The following NXF3 variants were observed in gnomAD, a reference collection of about 807,000 sequenced individuals.
The protein encoded by NXF3 is TAP-like protein 3.
A neutral mutation model predicts 48.4 loss-of-function variants in NXF3; 34 were observed. That is an observed-to-expected ratio of 0.70 (90% CI 0.53 to 0.93). NXF3 has a LOEUF of 0.93. Among genes scored for constraint, NXF3 ranks in the 40% least tolerant of loss-of-function variants. The pLI is 0.00. For missense variants in NXF3, 359 were observed against 406.1 expected, an observed-to-expected ratio of 0.88 and a Z score of 1.00; for synonymous variants, 132 against 145.7, an observed-to-expected ratio of 0.91 and a Z score of 0.68.
chrX:103,092,779 A>C (rs985041371), intron 1 of NXF3, among the ~76,000 whole-genome samples: 1 of 112,472 alleles, frequency 8.9e-6, no homozygotes, highest in African/African-American at 3.2e-5. Context: ...AAGGAATGTT[A>C]ATTTTTACCA....
At chrX:103,080,248 A>C (rs748808952) in intron 10 of NXF3, 32 bp from the exon 11 acceptor site, 1 of 1,171,001 alleles carries the variant, frequency 8.5e-7, no homozygotes, top group Non-Finnish European at 1.2e-6. Flanking sequence ...CAGTAGTGCA[A>C]AGTAGGGAGG....
Position 103,083,626 on chromosome X carries a change from G to A in NXF3, c.418C>T (p.Pro140Ser). The A allele has an allele frequency of 1.7e-6, 2 of 1,208,678 alleles. No homozygotes were observed. The highest frequency in any genetic ancestry group is 3.0e-5 in the East Asian group (1 of 33,812). Residue 140 changes from proline to serine, a missense_variant, in exon 4 of 20, where the codon CCC becomes TCC. Pro to Ser is a moderately conservative substitution (Grantham distance 74). Coordinates refer to ENST00000395065, the MANE Select transcript of NXF3 (RefSeq NM_022052.2). ...TTTCTTACCTCAACTGGGACGAAGG[G>A]TACACTGCATTCATTCTGAATCAAA... ...LNLIQNECSV[P>S]FVPVEFHYEN... is the part of the protein sequence containing the mutation.
At chrX:103,080,338 A>G (rs1602887077) in intron 10 of NXF3, 122 bp from the exon 11 acceptor site, 2 of 751,472 alleles carry the variant, frequency 2.7e-6, no homozygotes, top group South Asian at 5.0e-5. Flanking sequence ...TCTGGAAATT[A>G]CGTGGGCAAG....
At chrX:103,077,531 C>G in intron 18 of NXF3, 83 bp downstream of exon 18, 1 of 1,100,031 alleles carries the variant, frequency 9.1e-7, no homozygotes. Context: ...GGATTACAGG[C>G]GTGAGCCACC....
intron 10 of NXF3, 127 bp from the exon 11 acceptor site, chrX:103,080,343 G>C (rs768383451): frequency 1.1e-5 from 8 of 724,348 alleles, no homozygotes; most frequent in Non-Finnish European, 1.7e-5. Flanking sequence ...AAATTACGTG[G>C]GCAAGACTAC....
chrX:103,076,652 G>A (rs995703470), intron 18 of NXF3, among the ~76,000 whole-genome samples: 1 of 110,677 alleles, frequency 9.0e-6, no homozygotes, highest in Admixed American at 9.7e-5. Flanking sequence ...GAAATTCCTC[G>A]TGAGCTGCAA....
In NXF3 at chrX:103,082,765, G is replaced by A. The variant is rs764755894; in HGVS notation, c.775C>T (p.Pro259Ser). The A allele has an allele frequency of 5.0e-6, 6 of 1,201,676 alleles. No individual in the cohort carries two copies. The South Asian group carries it at 8.8e-5, about 18-fold the overall frequency. ...GCATGAGCCTAAGGCCTCACTGTAG[G>A]TATGTTCTCTTCATGGACGTCCAGG... Reference protein sequence around the residue: ...ASLDVHEENIPTVMSAGEMDK... With the variant: ...ASLDVHEENISTVMSAGEMDK... The change falls in exon 8 of 20, where the codon CCT becomes TCT. Residue 259 changes from proline (P) to serine (S), a missense_variant. Pro to Ser is a moderately conservative substitution (Grantham distance 74, BLOSUM62 -1). Coordinates refer to ENST00000395065, the MANE Select transcript of NXF3 (RefSeq NM_022052.2).
At chrX:103,085,737 A>C (rs1432674877) in intron 1 of NXF3, among the ~76,000 whole-genome samples, 2 of 108,808 alleles carry the variant, frequency 1.8e-5, no homozygotes, top group Middle Eastern at 4.7e-3. Context: ...CACCCTCTCT[A>C]CTAAAAATAC....
In NXF3 at chrX:103,079,861, C is replaced by G; in HGVS notation, c.1062G>C (p.Leu354Phe). 2 of 1,206,080 alleles carry G rather than the reference C, an allele frequency of 1.7e-6. No homozygotes were observed. Among genetic ancestry groups the G allele is most frequent in the Non-Finnish European group, 2.2e-6 (2 of 890,618 alleles). Residue 354 changes from leucine to phenylalanine, a missense_variant, in exon 13 of 20, where the codon TTG becomes TTC. Leu to Phe is a conservative substitution (Grantham distance 22). Transcript: ENST00000395065. ...CCTGTCGATCTCCAGAGTCATAGAT[C>G]AAGTAATACCTGTTGGAGACCAGTG... ...LVLQFLQQYY[L>F]IYDSGDRQGL...
chrX:103,085,900 C>CAAAAAAAAAA (rs56135590), intron 1 of NXF3, among the ~76,000 whole-genome samples: 26 of 43,497 alleles, frequency 6.0e-4, no homozygotes, highest in Non-Finnish European at 9.2e-4. Flanking sequence ...GAGACTCTGT[C>CAAAAAAAAAA]AAAAAAAAAA....
chrX:103,078,425 C>A (rs1921923382), intron 17 of NXF3, 135 bp downstream of exon 17: 1 of 915,892 alleles, frequency 1.1e-6, no homozygotes, highest in African/African-American at 1.9e-5. Flanking sequence ...CTGCTCCTGG[C>A]CCATACTCTT....
At chrX:103,084,579 A>G (rs757325242) in intron 2 of NXF3, 84 bp from the exon 3 acceptor site, 11 of 1,134,228 alleles carry the variant, frequency 9.7e-6, no homozygotes, top group South Asian at 5.8e-5. Flanking sequence ...CAGGGCTACA[A>G]TGAAGTTAAA....
chrX:103,087,161 G>A (rs185022455), intron 1 of NXF3: 131 of 552,931 alleles, frequency 2.4e-4, no homozygotes, highest in African/African-American at 2.0e-3. Context: ...GTGTAGGAAC[G>A]CTATGGAGCT....
At chrX:103,084,164 C>G (rs1218799031) in intron 3 of NXF3, among the ~76,000 whole-genome samples, 178 bp downstream of exon 3, 4 of 111,207 alleles carry the variant, frequency 3.6e-5, no homozygotes, top group Non-Finnish European at 7.5e-5. Context: ...CAGTCTGTTC[C>G]CCTTACATTG....
Position 103,076,293 on chromosome X carries a change from C to G in NXF3, c.1593G>C (p.Ser531=). 1.7e-6 allele frequency: 2 copies of G among 1,211,200 alleles called. No individual in the cohort carries two copies. The highest frequency in any genetic ancestry group is 1.8e-5 in the South Asian group (1 of 56,951). Residue 531 remains serine (S), a synonymous_variant, in exon 19 of 20, where the codon TCG becomes TCC. Coordinates refer to ENST00000395065, the MANE Select transcript of NXF3 (RefSeq NM_022052.2). ...TCTGACGTAGTCACACTGGTTGTTA[C>G]GAAGGCAGCTGTGGTGGAGGAAGGA... ...FSQEQQKMLP[S]
At chrX:103,086,047 A>G (rs960482148) in intron 1 of NXF3, among the ~76,000 whole-genome samples, 13 of 110,600 alleles carry the variant, frequency 1.2e-4, no homozygotes, top group African/African-American at 3.9e-4. Flanking sequence ...CCAGACCTCA[A>G]GTGATCCGCC....
intron 1 of NXF3, among the ~76,000 whole-genome samples, chrX:103,091,172 T>C (rs1193196467): frequency 1.8e-5 from 2 of 112,230 alleles, no homozygotes; most frequent in African/African-American, 3.2e-5. Flanking sequence ...TGTATGATTA[T>C]GAGGCTTTAT....
At chrX:103,091,324 T>A (rs1569282208) in intron 1 of NXF3, among the ~76,000 whole-genome samples, 1 of 112,129 alleles carries the variant, frequency 8.9e-6, no homozygotes, top group Non-Finnish European at 1.9e-5. Context: ...ACACAGTTGG[T>A]CCTCCGTATC....
At position 103,088,436 on chromosome X, in the gene NXF3, G is replaced by A. The variant is rs1203484774; in HGVS notation, c.29-3553C>T. 7 of 761,392 alleles carry A rather than the reference G, an allele frequency of 9.2e-6. No homozygotes were observed. The East Asian group carries it at 2.3e-4, about 25-fold the overall frequency. The allele number at this position is 761,392 out of a possible 1,213,427, so 62.7% of individuals were successfully genotyped here. A position where few individuals can be genotyped will look rare whatever the true frequency, so the allele number is the denominator to read the frequency against. On this transcript the variant is annotated intron_variant, in intron 1 of 19. Transcript: ENST00000395065. ...GATTTTCTTGGCAAAAGCAGTTCCA[G>A]AACCAAAATGTGGGAAAAAAATGAA...
Sources: allele counts gnomAD v4.1 joint callset (sites outside exome capture counted in the v4.1 genomes callset), GRCh38; gene constraint gnomAD v4.1.1; transcripts MANE v1.5; gene names NCBI Gene and HGNC (gene_info 2026-07-23, HGNC 2026-07-21).